The following EXOC5 variants were observed in gnomAD, a reference collection of about 807,000 sequenced individuals.
EXOC5 encodes SEC10-like 1.
Under a neutral mutation model 90.8 loss-of-function variants are expected in EXOC5, and 17 were observed. The ratio of observed to expected loss-of-function variants is 0.19; its 90% CI spans 0.13 to 0.28. The LOEUF (loss-of-function observed/expected upper bound fraction) is 0.28, where lower values mean the gene tolerates loss of function less well. Ranked by LOEUF, EXOC5 falls within the 10% of genes least tolerant of loss-of-function variation. EXOC5 has a pLI of 1.00. For synonymous variants in EXOC5, 260 were observed against 270.0 expected (o/e 0.96, Z 0.36); for missense variants, 569 against 830.6 (o/e 0.69, Z 3.87).
At chr14:57,242,494 T>G (rs1054435175) in intron 4 of EXOC5, among the ~76,000 whole-genome samples, 2 of 151,952 alleles carry the variant, frequency 1.3e-5, no homozygotes, top group African/African-American at 4.8e-5. Flanking sequence ...TCATCCTGCC[T>G]TGGCCTCCTA....
At chr14:57,239,046 T>TA (rs907976536) in intron 5 of EXOC5, among the ~76,000 whole-genome samples, 53 of 151,682 alleles carry the variant, frequency 3.5e-4, no homozygotes, top group African/African-American at 1.2e-3. Context: ...CCTTGCATTT[T>TA]AAAAAAAAGG....
intron 1 of EXOC5, among the ~76,000 whole-genome samples, chr14:57,251,304 G>A (rs1436115279): frequency 6.6e-6 from 1 of 152,190 alleles, no homozygotes; most frequent in South Asian, 2.1e-4. Context: ...AAATATCTGA[G>A]ATCCCTGCTC....
intron 12 of EXOC5, among the ~76,000 whole-genome samples, chr14:57,226,899 A>T (rs563053707): frequency 1.3e-3 from 195 of 152,348 alleles, no homozygotes; most frequent in Non-Finnish European, 1.9e-3. Flanking sequence ...AAAACTTTGT[A>T]ACCTTTGGTT....
At chr14:57,258,247 C>A (rs142624833) in intron 1 of EXOC5, among the ~76,000 whole-genome samples, 2 of 152,124 alleles carry the variant, frequency 1.3e-5, no homozygotes, top group Non-Finnish European at 2.9e-5. Flanking sequence ...CACATGCACA[C>A]GTACGTTTAC....
intron 15 of EXOC5, among the ~76,000 whole-genome samples, chr14:57,214,610 A>G (rs568908113): frequency 4.9e-4 from 74 of 152,272 alleles, no homozygotes; most frequent in Non-Finnish European, 8.7e-4. Context: ...ATGAGAGCAT[A>G]GATTTGCAGT....
intron 1 of EXOC5, among the ~76,000 whole-genome samples, chr14:57,259,901 T>C (rs997861631): frequency 5.3e-5 from 8 of 152,178 alleles, no homozygotes; most frequent in South Asian, 2.1e-4. Context: ...CACTAGCTAG[T>C]TGGGGCCATG....
At chr14:57,251,620 T>C (rs1048340677) in intron 1 of EXOC5, among the ~76,000 whole-genome samples, 1 of 150,956 alleles carries the variant, frequency 6.6e-6, no homozygotes, top group Non-Finnish European at 1.5e-5. Flanking sequence ...CTTAAGTTAT[T>C]AGAAAAAGAA....
At chr14:57,254,580 G>C (rs997495757) in intron 1 of EXOC5, among the ~76,000 whole-genome samples, 14 of 152,178 alleles carry the variant, frequency 9.2e-5, no homozygotes, top group African/African-American at 3.4e-4. Context: ...GGACAAGAAA[G>C]TCTGGAGTAG....
At chr14:57,226,929 A>G (rs1883324930) in intron 12 of EXOC5, among the ~76,000 whole-genome samples, 1 of 152,208 alleles carries the variant, frequency 6.6e-6, no homozygotes. Context: ...CTTCTTATAT[A>G]TGACACCAAA....
At chr14:57,265,743 T>C (rs1196057859) in intron 1 of EXOC5, among the ~76,000 whole-genome samples, 2 of 152,114 alleles carry the variant, frequency 1.3e-5, no homozygotes, top group Non-Finnish European at 2.9e-5. Context: ...AGAAAAGGAA[T>C]TTCTGAGCCC....
intron 1 of EXOC5, among the ~76,000 whole-genome samples, chr14:57,255,205 T>C (rs1447911793): frequency 6.6e-6 from 1 of 152,046 alleles, no homozygotes; most frequent in Non-Finnish European, 1.5e-5. Flanking sequence ...AAACCAAATA[T>C]CTAGCCTAAC....
intron 1 of EXOC5, among the ~76,000 whole-genome samples, chr14:57,249,232 A>G (rs1338438694): frequency 6.6e-6 from 1 of 152,160 alleles, no homozygotes; most frequent in Non-Finnish European, 1.5e-5. Context: ...TTGTGAAATT[A>G]GGAAGTAGTC....
chr14:57,206,896 G>T lies in EXOC5; in HGVS notation c.*1713C>A, dbSNP rs1469410690. On this transcript the variant is annotated 3_prime_UTR_variant, in exon 18 of 18. Coordinates refer to ENST00000621441, the MANE Select transcript of EXOC5 (RefSeq NM_006544.4). ...TGACACTGTACAAAGAGCTTAAATG[G>T]CCAGTAAAACTACTGCCTTAAAATT... The T allele has an allele frequency of 6.6e-6, 1 of 152,152 alleles. No individual in the cohort carries two copies. Among genetic ancestry groups the T allele is most frequent in the Non-Finnish European group, 1.5e-5 (1 of 67,890 alleles). The allele number at this position is 152,152 out of a possible 1,614,324, so 9.4% of individuals were successfully genotyped here.
rs1883485053 is a variant in EXOC5, at chr14:57,231,488, T to G, written c.1148+18A>C. 6.4e-7 allele frequency: 1 copy of G among 1,562,786 alleles called. No homozygotes were observed. The highest frequency in any genetic ancestry group is 1.2e-5 in the South Asian group (1 of 85,988). On this transcript the variant is annotated intron_variant, in intron 11 of 17. Coordinates refer to ENST00000621441, the MANE Select transcript of EXOC5 (RefSeq NM_006544.4). Reference sequence around the variant, plus strand: ...AATGTCTTCAGTTTTAACAGAAGTATTTAACAAAAATACTCACCCTCCTGT... The same window carrying G: ...AATGTCTTCAGTTTTAACAGAAGTAGTTAACAAAAATACTCACCCTCCTGT...
At chr14:57,216,127 C>T (rs930209335) in intron 15 of EXOC5, among the ~76,000 whole-genome samples, 3 of 151,978 alleles carry the variant, frequency 2.0e-5, no homozygotes, top group Non-Finnish European at 2.9e-5. Context: ...GACTTATACA[C>T]TGAAAACCAT....
rs35664900 is a variant in EXOC5, at chr14:57,232,673, T to A, written c.932A>T (p.Tyr311Phe). Reference protein sequence around the residue: ...EQYLKNLYDLYTRTTNLSSKL... With the variant: ...EQYLKNLYDLFTRTTNLSSKL... ...CTAATCATTAAAAATTTACCTTGTA[T>A]ACAGATCATAGAGATTTTTGAGATA... The change falls in exon 10 of 18, where the codon TAT becomes TTT. Residue 311 changes from tyrosine (Y) to phenylalanine (F), a missense_variant. Tyr to Phe is a conservative substitution (Grantham distance 22). Transcript: ENST00000621441. The A allele has an allele frequency of 2.0e-3, 2,774 of 1,403,666 alleles. 57 individuals carry two copies. In the African/African-American group the frequency reaches 0.037, roughly 19 times the overall value. 87.0% of individuals were successfully genotyped at this position (1,403,666 alleles called of 1,614,324 possible).
chr14:57,214,107 G>A (rs1404832756), intron 15 of EXOC5, among the ~76,000 whole-genome samples: 3 of 152,052 alleles, frequency 2.0e-5, no homozygotes, highest in African/African-American at 7.2e-5. Context: ...AGAAAAAAAA[G>A]CACACACACA....
intron 1 of EXOC5, among the ~76,000 whole-genome samples, chr14:57,264,379 A>G (rs1884607457): frequency 6.6e-6 from 1 of 152,206 alleles, no homozygotes; most frequent in Non-Finnish European, 1.5e-5. Context: ...AAATTAAGAG[A>G]CAAATAAATG....
At chr14:57,235,217 A>ACTC (rs1270218456) in intron 7 of EXOC5, among the ~76,000 whole-genome samples, 5 of 152,080 alleles carry the variant, frequency 3.3e-5, no homozygotes, top group Non-Finnish European at 5.9e-5. Context: ...GCAGAAATAT[A>ACTC]CTCCTACACA....
Sources: gnomAD v4.1 joint callset for allele counts (sites outside exome capture counted in the v4.1 genomes callset) on GRCh38, gnomAD v4.1.1 for gene constraint, MANE v1.5 for transcripts, NCBI Gene and HGNC (gene_info 2026-07-23, HGNC 2026-07-21) for gene names.